PAPPA2: variants seen among roughly 807,000 people sequenced by gnomAD.
PAPPA2 encodes the protein pappalysin 2.
PAPPA2 carries 86 observed loss-of-function variants against 176.4 expected under a neutral mutation model. That is an observed-to-expected ratio of 0.49 (90% CI 0.41 to 0.58). The LOEUF is 0.58. Ranked by LOEUF, PAPPA2 falls within the 20% of genes least tolerant of loss-of-function variation. The pLI is 0.00. For synonymous variants in PAPPA2, 809 were observed against 852.2 expected (o/e 0.95, Z 0.88); for missense variants, 2,073 against 2,256.9 (o/e 0.92, Z 1.65).
At chr1:176,666,559 ATATG>A (rs1311113559) in intron 3 of PAPPA2, among the ~76,000 whole-genome samples, 39 of 123,350 alleles carry the variant, frequency 3.2e-4, no homozygotes, top group Non-Finnish European at 4.1e-4. Flanking sequence ...AAGTAAATAT[ATATG>A]TGTGTGTGTG....
At chr1:176,653,394 G>A (rs536910646) in intron 3 of PAPPA2, among the ~76,000 whole-genome samples, 70 of 151,550 alleles carry the variant, frequency 4.6e-4, no homozygotes, top group Non-Finnish European at 8.4e-4. Context: ...TTGCATTAGC[G>A]TGTATTCCTC....
chr1:176,795,187 CT>C (rs149356878), intron 20 of PAPPA2, among the ~76,000 whole-genome samples: 2 of 152,096 alleles, frequency 1.3e-5, no homozygotes, highest in East Asian at 1.9e-4. Flanking sequence ...TTTCTCATCC[CT>C]TTTTTTTCTA....
In PAPPA2 at chr1:176,706,450, G is replaced by A. The variant is rs756057850; in HGVS notation, c.3457G>A (p.Gly1153Arg). The change falls in exon 10 of 23, where the codon GGA (glycine) becomes AGA (arginine). Residue 1153 changes from glycine to arginine, a missense_variant and splice_region_variant. By Grantham distance (125) the Gly-to-Arg change is moderately radical. This residue lies in a region of PAPPA2 where 846 missense variants were observed against 857.9 expected (regional missense o/e 0.99). Coordinates refer to ENST00000367662, the MANE Select transcript of PAPPA2 (RefSeq NM_020318.3). ...CELEEGFNCV[G>R]EPSLCYMYEG... is the part of the protein sequence containing the mutation. ...GCTGGAGGAAGGTTTCAACTGTGTAGGTAAGTTCAAGAGTTTCAGTCTAAG... is the reference window on the plus strand; with the variant it reads ...GCTGGAGGAAGGTTTCAACTGTGTAAGTAAGTTCAAGAGTTTCAGTCTAAG... The A allele has an allele frequency of 6.2e-7, 1 of 1,612,964 alleles. No individual in the cohort carries two copies. The highest frequency in any genetic ancestry group is 1.1e-5 in the South Asian group (1 of 91,026).
chr1:176,465,445 AAC>A lies in PAPPA2; in HGVS notation c.-917+2028_-917+2029del, dbSNP rs569537082. Among the ~76,000 whole-genome samples the A allele has an allele frequency of 2.2e-3, 335 of 152,300 alleles. 3 individuals are homozygous for A. Among genetic ancestry groups the A allele is most frequent in the African/African-American group, 7.8e-3 (325 of 41,562 alleles). ...GTGGTTGTCCAAGTTGACAGGTGAC[AAC>A]GTTTATTTGATTACTTGTTAGATTA... On this transcript the variant is annotated intron_variant, in intron 1 of 22. Coordinates refer to ENST00000367662, the MANE Select transcript of PAPPA2 (RefSeq NM_020318.3).
chr1:176,695,967 TGTG>T, intron 7 of PAPPA2, 108 bp downstream of exon 7: 3 of 74,734 alleles, frequency 4.0e-5, no homozygotes, highest in African/African-American at 2.3e-4. Context: ...TGTATGTGTA[TGTG>T]TGTGTGTGTG....
At chr1:176,594,410 A>G (rs1653831926) in intron 2 of PAPPA2, 114 bp from the exon 3 acceptor site, 4 of 868,892 alleles carry the variant, frequency 4.6e-6, no homozygotes, top group Middle Eastern at 3.1e-4. Flanking sequence ...CGCTTACTTT[A>G]TTCCCCATTA....
chr1:176,838,898 G>A (rs1386146651), intron 21 of PAPPA2, among the ~76,000 whole-genome samples: 3 of 152,212 alleles, frequency 2.0e-5, no homozygotes, highest in African/African-American at 7.2e-5. Context: ...ATGACATCAG[G>A]ATCCCATAGA....
At chr1:176,792,011 T>C (rs550315490) in intron 19 of PAPPA2, among the ~76,000 whole-genome samples, 74 of 152,350 alleles carry the variant, frequency 4.9e-4, no homozygotes, top group African/African-American at 1.7e-3. Context: ...TGGGACTGTG[T>C]AGCCACATAG....
chr1:176,696,592 C>T (rs1660397168), intron 7 of PAPPA2, among the ~76,000 whole-genome samples: 1 of 152,182 alleles, frequency 6.6e-6, no homozygotes, highest in African/African-American at 2.4e-5. Flanking sequence ...AAGCATGAAT[C>T]TTTTTCCAGT....
intron 21 of PAPPA2, among the ~76,000 whole-genome samples, chr1:176,814,962 A>G (rs1478794903): frequency 6.6e-6 from 1 of 152,206 alleles, no homozygotes; most frequent in Non-Finnish European, 1.5e-5. Context: ...TGTTCCTTCA[A>G]TACCTAGTTT....
At chr1:176,473,513 G>C (rs1651979012) in intron 1 of PAPPA2, among the ~76,000 whole-genome samples, 1 of 152,166 alleles carries the variant, frequency 6.6e-6, no homozygotes, top group African/African-American at 2.4e-5. Context: ...TTTTTGTGTA[G>C]ATGTAAGTTT....
intron 2 of PAPPA2, among the ~76,000 whole-genome samples, chr1:176,594,080 C>T (rs1653811677): frequency 6.6e-6 from 1 of 152,132 alleles, no homozygotes; most frequent in African/African-American, 2.4e-5. Flanking sequence ...AATCACCTTC[C>T]AGAGGGTAAG....
chr1:176,478,914 C>T (rs1037313753), intron 1 of PAPPA2, among the ~76,000 whole-genome samples: 5 of 152,104 alleles, frequency 3.3e-5, no homozygotes, highest in African/African-American at 1.2e-4. Flanking sequence ...ACTTTGATGA[C>T]CCTTTGGTGG....
At chr1:176,839,163 A>G (rs1307656909) in intron 21 of PAPPA2, among the ~76,000 whole-genome samples, 2 of 152,178 alleles carry the variant, frequency 1.3e-5, no homozygotes, top group Admixed American at 1.3e-4. Flanking sequence ...GATGTTTCCT[A>G]CGACTTTATG....
At chr1:176,742,467 A>G (rs1339886049) in intron 14 of PAPPA2, among the ~76,000 whole-genome samples, 1 of 152,184 alleles carries the variant, frequency 6.6e-6, no homozygotes, top group African/African-American at 2.4e-5. Context: ...CAAGTTTCAT[A>G]TGCATGCATG....
At chr1:176,674,315 G>A (rs1002551683) in intron 4 of PAPPA2, among the ~76,000 whole-genome samples, 3 of 152,004 alleles carry the variant, frequency 2.0e-5, no homozygotes, top group Admixed American at 6.6e-5. Context: ...TGGTTACATG[G>A]ACAAATTTTT....
rs139835394 is a variant in PAPPA2 at position 176,471,718 on chromosome 1, T to G, written c.-917+8300T>G. On this transcript the variant is annotated intron_variant, in intron 1 of 22. Coordinates refer to ENST00000367662, the MANE Select transcript of PAPPA2 (RefSeq NM_020318.3). ...AACACTATAGTTTAGTTTTATCTAT[T>G]TAAAAATCTTGTGATATATCCTTTC... 7.5e-4 allele frequency among the ~76,000 whole-genome samples: 114 copies of G among 152,338 alleles called. No homozygotes were observed. In the Middle Eastern group the frequency reaches 0.01, roughly 14 times the overall value.
chr1:176,588,298 A>T (rs2102640330), intron 2 of PAPPA2, among the ~76,000 whole-genome samples: 1 of 152,376 alleles, frequency 6.6e-6, no homozygotes, highest in Admixed American at 6.5e-5. Flanking sequence ...TATCAGTTCA[A>T]GAAGTTTTTG....
At chr1:176,594,426 C>A in intron 2 of PAPPA2, 98 bp from the exon 3 acceptor site, 1 of 1,036,686 alleles carries the variant, frequency 9.6e-7, no homozygotes, top group Non-Finnish European at 1.4e-6. Flanking sequence ...CATTAAAAAC[C>A]TGCATTCTTG....
Sources: allele counts gnomAD v4.1 joint callset (sites outside exome capture counted in the v4.1 genomes callset), GRCh38; gene constraint gnomAD v4.1.1; regional missense constraint gnomAD v4.1.1; transcripts MANE v1.5; gene names NCBI Gene and HGNC (gene_info 2026-07-23, HGNC 2026-07-21).